The following CUX2 variants were observed in gnomAD, a reference collection of about 807,000 sequenced individuals.
CUX2 encodes the protein cut like homeobox 2.
In CUX2, 40 loss-of-function variants were observed where a neutral mutation model predicts 144.8. The observed-to-expected ratio is 0.28, with a 90% CI of 0.21 to 0.36. CUX2 has a LOEUF of 0.36. Ranked by LOEUF, CUX2 falls within the 10% of genes least tolerant of loss-of-function variation. The probability of loss-of-function intolerance (pLI) is 1.00; values close to 1 mark genes in which losing one functional copy is unlikely to be tolerated. For synonymous variants in CUX2, 827 were observed against 875.6 expected (o/e 0.94, Z 0.98); for missense variants, 1,615 against 1,994.0 (o/e 0.81, Z 3.62).
In CUX2 at chr12:111,105,869, T is replaced by A. The variant is rs556694167; in HGVS notation, c.63+71629T>A. Among the ~76,000 whole-genome samples, 338 of 151,224 alleles carry A rather than the reference T, an allele frequency of 2.2e-3. 2 individuals are homozygous for A. Among genetic ancestry groups the A allele is most frequent in the African/African-American group, 7.7e-3 (319 of 41,242 alleles). On this transcript the variant is annotated intron_variant, in intron 1 of 21. Transcript: ENST00000261726. ...GATATTAACTAATAATGAGTCTTTT[T>A]TTTTTTTTTTTTTGAGACAGAGTCC...
chr12:111,276,433 A>T (rs551168012), intron 4 of CUX2, among the ~76,000 whole-genome samples: 1 of 152,206 alleles, frequency 6.6e-6, no homozygotes, highest in Non-Finnish European at 1.5e-5. Context: ...ATATGGACAC[A>T]GCAGAAGTTA....
At chr12:111,272,464 A>G (rs1347718424) in intron 4 of CUX2, among the ~76,000 whole-genome samples, 1 of 152,068 alleles carries the variant, frequency 6.6e-6, no homozygotes, top group Admixed American at 6.5e-5. Flanking sequence ...TAACTTTATT[A>G]TTATTATTAT....
At chr12:111,073,016 G>T (rs764182266) in intron 1 of CUX2, among the ~76,000 whole-genome samples, 4 of 152,144 alleles carry the variant, frequency 2.6e-5, no homozygotes, top group South Asian at 2.1e-4. Context: ...TTTTTGTCAC[G>T]GTTTCTTTAG....
At chr12:111,181,537 C>G (rs1879177346) in intron 1 of CUX2, among the ~76,000 whole-genome samples, 6 of 152,192 alleles carry the variant, frequency 3.9e-5, no homozygotes, top group Admixed American at 3.9e-4. Context: ...GAATTAGATC[C>G]TGATAAGGAA....
At chr12:111,313,286 C>G in intron 16 of CUX2, among the ~76,000 whole-genome samples, 1 of 148,114 alleles carries the variant, frequency 6.8e-6, no homozygotes, top group Admixed American at 6.8e-5. Context: ...GGTCAGGCTG[C>G]TCTTGAACTC....
At chr12:111,146,093 T>C (rs1385902714) in intron 1 of CUX2, among the ~76,000 whole-genome samples, 1 of 152,132 alleles carries the variant, frequency 6.6e-6, no homozygotes, top group Admixed American at 6.5e-5. Context: ...AATTTCCATA[T>C]ATGCCTCGCC....
chr12:111,162,882 A>G (rs1015086396), intron 1 of CUX2, among the ~76,000 whole-genome samples: 3 of 151,968 alleles, frequency 2.0e-5, no homozygotes, highest in African/African-American at 7.3e-5. Flanking sequence ...CCCATCTCTA[A>G]TAAAAATACA....
chr12:111,181,585 C>T (rs1016952224), intron 1 of CUX2, among the ~76,000 whole-genome samples: 3 of 151,958 alleles, frequency 2.0e-5, no homozygotes, highest in Non-Finnish European at 2.9e-5. Context: ...AATCACACAC[C>T]GGGCCCCAGC....
chr12:111,296,335 A>C (rs1306123832), intron 7 of CUX2, 138 bp from the exon 8 acceptor site: 1 of 679,466 alleles, frequency 1.5e-6, no homozygotes, highest in African/African-American at 1.8e-5. Context: ...GTTCTGACTG[A>C]GAGAAAGATC....
chr12:111,038,070 C>G (rs1038586957), intron 1 of CUX2, among the ~76,000 whole-genome samples: 1 of 152,180 alleles, frequency 6.6e-6, no homozygotes, highest in African/African-American at 2.4e-5. Flanking sequence ...GGAGAAACTT[C>G]CGGGAACACT....
At chr12:111,046,144 GAGCCAGC>G (rs1279185186) in intron 1 of CUX2, among the ~76,000 whole-genome samples, 1 of 152,210 alleles carries the variant, frequency 6.6e-6, no homozygotes. Flanking sequence ...GGCCCACCCG[GAGCCAGC>G]AGCCAGCAGC....
At chr12:111,330,135 C>T (rs1888022909) in intron 18 of CUX2, among the ~76,000 whole-genome samples, 1 of 152,202 alleles carries the variant, frequency 6.6e-6, no homozygotes, top group African/African-American at 2.4e-5. Context: ...AGGATCAGCT[C>T]ACTTGGGGCT....
chr12:111,188,132 G>A (rs1201872891), intron 1 of CUX2, among the ~76,000 whole-genome samples: 1 of 152,244 alleles, frequency 6.6e-6, no homozygotes, highest in Non-Finnish European at 1.5e-5. Flanking sequence ...GGCTCTCCAG[G>A]CCACTTCTGG....
In CUX2 at chr12:111,102,735, G is replaced by T. The variant is rs188830213; in HGVS notation, c.63+68495G>T. ...TGTAGAAGTTCTAGTTCTTCCAGTT[G>T]CCGAGTGACTTCAGGACAGCTCCTT... On this transcript the variant is annotated intron_variant, in intron 1 of 21. Coordinates refer to ENST00000261726, the MANE Select transcript of CUX2 (RefSeq NM_015267.4). Among the ~76,000 whole-genome samples, 647 of 152,254 alleles carry T rather than the reference G, an allele frequency of 4.2e-3. 3 individuals are homozygous for T. The highest frequency in any genetic ancestry group is 9.3e-3 in the South Asian group (45 of 4,822).
rs1274750421 is a variant in CUX2 at position 111,178,488 on chromosome 12, C to CA, written c.64-35711dup. Among the ~76,000 whole-genome samples, 1 of 152,148 alleles carries CA rather than the reference C, an allele frequency of 6.6e-6. No homozygotes were observed. The highest frequency in any genetic ancestry group is 2.4e-5 in the African/African-American group (1 of 41,410). The stretch of plus-strand genomic sequence containing the variant: ...GGGTGGACTTATGACCCGGTCCAGC[C>CA]ACTCCCCCTCCCCCATTTAAAACAC... On this transcript the variant is annotated intron_variant, in intron 1 of 21. Coordinates refer to ENST00000261726, the MANE Select transcript of CUX2 (RefSeq NM_015267.4). This position sits in a 1 kb window ranked among gnomAD's most constrained non-coding sequence, Gnocchi z 5.7.
At position 111,330,718 on chromosome 12, in the gene CUX2, T is replaced by TATATATATATACATATAC. The variant is rs1565926208; in HGVS notation, c.2927-3712_2927-3711insCATATACATATATATATA. Among the ~76,000 whole-genome samples, 212 of 43,544 alleles carry TATATATATATACATATAC rather than the reference T, an allele frequency of 4.9e-3. 12 individuals carry two copies. The highest frequency in any genetic ancestry group is 9.6e-3 in the African/African-American group (84 of 8,724). 28.6% of individuals were successfully genotyped at this position (43,544 alleles called of 152,430 possible). ...ATATATATATATATATATATATATA[T>TATATATATATACATATAC]ATATATATATATATATATATATATA... On this transcript the variant is annotated intron_variant, in intron 18 of 21. Transcript: ENST00000261726.
At chr12:111,169,087 A>G (rs1191247757) in intron 1 of CUX2, among the ~76,000 whole-genome samples, 1 of 152,192 alleles carries the variant, frequency 6.6e-6, no homozygotes, top group Non-Finnish European at 1.5e-5. Flanking sequence ...AGGTGAAATC[A>G]GTTAAGATGA....
At chr12:111,148,519 G>A (rs548474787) in intron 1 of CUX2, among the ~76,000 whole-genome samples, 46 of 152,222 alleles carry the variant, frequency 3.0e-4, no homozygotes, top group African/African-American at 1.1e-3. Flanking sequence ...GGTTAAAATT[G>A]TAAATTTTAT....
At chr12:111,311,425 T>A (rs1592951254) in intron 15 of CUX2, among the ~76,000 whole-genome samples, 1 of 151,936 alleles carries the variant, frequency 6.6e-6, no homozygotes, top group South Asian at 2.1e-4. Context: ...GTAGCTGGGA[T>A]TACAGTCACA....
Sources: gnomAD v4.1 joint callset for allele counts (sites outside exome capture counted in the v4.1 genomes callset) on GRCh38, gnomAD v4.1.1 for gene constraint, Gnocchi (gnomAD v3.1) non-coding constraint, MANE v1.5 for transcripts, NCBI Gene and HGNC (gene_info 2026-07-23, HGNC 2026-07-21) for gene names.